Variants in PARD3 observed in about 807,000 individuals in gnomAD.
PARD3 encodes partitioning defective 3 homolog.
A neutral mutation model predicts 155.4 loss-of-function variants in PARD3; 75 were observed. The ratio of observed to expected loss-of-function variants is 0.48; its 90% CI spans 0.40 to 0.58. The LOEUF (loss-of-function observed/expected upper bound fraction) is 0.58. Ranked by LOEUF, PARD3 falls within the 20% of genes least tolerant of loss-of-function variation. The pLI is 0.00. For missense variants in PARD3, 1,642 were observed against 1,721.7 expected, an observed-to-expected ratio of 0.95 and a Z score of 0.82; for synonymous variants, 576 against 610.5, an observed-to-expected ratio of 0.94 and a Z score of 0.83.
chr10:34,352,537 G>A (rs1235002735), intron 14 of PARD3, among the ~76,000 whole-genome samples: 1 of 152,242 alleles, frequency 6.6e-6, no homozygotes, highest in Non-Finnish European at 1.5e-5. Context: ...GGTGGAGACA[G>A]GGTTTCGCCA....
At chr10:34,173,597 A>C (rs1341934463) in intron 22 of PARD3, among the ~76,000 whole-genome samples, 1 of 152,196 alleles carries the variant, frequency 6.6e-6, no homozygotes, top group Non-Finnish European at 1.5e-5. Context: ...TATAGAAGAA[A>C]CTAACTTTTA....
intron 7 of PARD3, among the ~76,000 whole-genome samples, chr10:34,391,507 T>C (rs950464226): frequency 6.6e-6 from 1 of 152,154 alleles, no homozygotes; most frequent in Non-Finnish European, 1.5e-5. Flanking sequence ...TAAATCTTAG[T>C]TGAGGGGAGA....
chr10:34,510,967 C>A (rs1221070258), intron 3 of PARD3, among the ~76,000 whole-genome samples: 1 of 152,150 alleles, frequency 6.6e-6, no homozygotes, highest in Non-Finnish European at 1.5e-5. Context: ...AAATGTCATT[C>A]TTTGTATTAA....
At chr10:34,781,821 A>G (rs1840270243) in intron 1 of PARD3, among the ~76,000 whole-genome samples, 1 of 152,220 alleles carries the variant, frequency 6.6e-6, no homozygotes, top group Non-Finnish European at 1.5e-5. Flanking sequence ...GCCTGAACCA[A>G]TGACAGAACA....
chr10:34,624,218 G>A (rs2091863653), intron 2 of PARD3, among the ~76,000 whole-genome samples: 1 of 152,176 alleles, frequency 6.6e-6, no homozygotes, highest in Non-Finnish European at 1.5e-5. Flanking sequence ...GTTCTAAGCA[G>A]GAAAAGGTGT....
intron 1 of PARD3, among the ~76,000 whole-genome samples, chr10:34,788,231 T>C (rs1330982327): frequency 6.6e-6 from 1 of 152,150 alleles, no homozygotes; most frequent in Non-Finnish European, 1.5e-5. Context: ...AAATTAATAT[T>C]ACACATTGCT....
intron 4 of PARD3, among the ~76,000 whole-genome samples, chr10:34,457,990 A>G (rs1209605503): frequency 2.0e-5 from 3 of 152,164 alleles, no homozygotes; most frequent in East Asian, 1.9e-4. Context: ...AAAATTTCTG[A>G]TATCTAGTCA....
intron 1 of PARD3, among the ~76,000 whole-genome samples, chr10:34,775,154 G>T (rs530021678): frequency 1.3e-5 from 2 of 152,300 alleles, no homozygotes; most frequent in Admixed American, 1.3e-4. Flanking sequence ...AAGCTCATAT[G>T]ACAGAGCAGC....
At chr10:34,796,853 T>C (rs574524629) in intron 1 of PARD3, among the ~76,000 whole-genome samples, 1 of 152,210 alleles carries the variant, frequency 6.6e-6, no homozygotes, top group Non-Finnish European at 1.5e-5. Context: ...GGCATGGTGG[T>C]GCATGCCTGT....
chr10:34,229,327 T>A (rs1015438461), intron 22 of PARD3, among the ~76,000 whole-genome samples: 4 of 152,064 alleles, frequency 2.6e-5, no homozygotes, highest in Non-Finnish European at 5.9e-5. Context: ...CAAGCAATTC[T>A]CCCACCTTGG....
chr10:34,392,007 A>G (rs1052599921), intron 7 of PARD3, among the ~76,000 whole-genome samples: 1 of 152,136 alleles, frequency 6.6e-6, no homozygotes, highest in Non-Finnish European at 1.5e-5. Flanking sequence ...AATACAAAAA[A>G]TTAGCCAGGC....
intron 20 of PARD3, among the ~76,000 whole-genome samples, chr10:34,307,915 A>T (rs1957494946): frequency 6.6e-6 from 1 of 152,200 alleles, no homozygotes; most frequent in Non-Finnish European, 1.5e-5. Flanking sequence ...AAATGTGAAA[A>T]ATGATGCCAA....
intron 15 of PARD3, chr10:34,345,440 C>G (rs1427980286): frequency 1.0e-6 from 1 of 985,150 alleles, no homozygotes; most frequent in Non-Finnish European, 1.2e-6. Context: ...AATTTCAATA[C>G]AAAGTTCCTT....
At chr10:34,697,011 C>CAT (rs1224427970) in intron 1 of PARD3, among the ~76,000 whole-genome samples, 5 of 149,240 alleles carry the variant, frequency 3.4e-5, no homozygotes, top group South Asian at 2.1e-4. Context: ...CACACACACA[C>CAT]ACACACACAT....
chr10:34,785,929 T>C (rs907616704), intron 1 of PARD3, among the ~76,000 whole-genome samples: 12 of 152,160 alleles, frequency 7.9e-5, no homozygotes, highest in African/African-American at 2.7e-4. Flanking sequence ...CCTGAAAATG[T>C]AGGACCAGTT....
intron 1 of PARD3, among the ~76,000 whole-genome samples, chr10:34,724,867 G>C (rs1027136343): frequency 6.6e-6 from 1 of 152,172 alleles, no homozygotes; most frequent in Non-Finnish European, 1.5e-5. Context: ...GCAAATGCTG[G>C]AGCAGTAGAA....
At chr10:34,210,978 G>A (rs2133397557) in intron 22 of PARD3, among the ~76,000 whole-genome samples, 1 of 152,262 alleles carries the variant, frequency 6.6e-6, no homozygotes, top group Non-Finnish European at 1.5e-5. Flanking sequence ...CAGGTGACAT[G>A]TTTATGGGCT....
chr10:34,584,668 G>T (rs888707528), intron 2 of PARD3, among the ~76,000 whole-genome samples: 1 of 152,094 alleles, frequency 6.6e-6, no homozygotes, highest in African/African-American at 2.4e-5. Flanking sequence ...TTATTTTTCA[G>T]TTGAGAGACA....
intron 21 of PARD3, among the ~76,000 whole-genome samples, chr10:34,277,807 T>C (rs1564541652): frequency 6.6e-6 from 1 of 152,150 alleles, no homozygotes; most frequent in Non-Finnish European, 1.5e-5. Flanking sequence ...AATCACAACT[T>C]GTAAAGAATC....
Sources: allele counts gnomAD v4.1 joint callset (sites outside exome capture counted in the v4.1 genomes callset), GRCh38; gene constraint gnomAD v4.1.1; transcripts MANE v1.5; gene names NCBI Gene and HGNC (gene_info 2026-07-23, HGNC 2026-07-21).